Variants in CDH18 observed in about 807,000 individuals in gnomAD.
CDH18 encodes the protein cadherin-18.
In CDH18, 31 loss-of-function variants were observed where a neutral mutation model predicts 67.9. The observed-to-expected ratio is 0.46, with a 90% CI of 0.34 to 0.62. The LOEUF (loss-of-function observed/expected upper bound fraction) is 0.62, where lower values mean the gene tolerates loss of function less well. CDH18 is among the 20% of genes least tolerant of loss of function. CDH18 has a pLI of 0.01. For synonymous variants in CDH18, 362 were observed against 347.2 expected, an observed-to-expected ratio of 1.04 and a Z score of -0.48; for missense variants, 890 against 975.5, an observed-to-expected ratio of 0.91 and a Z score of 1.17.
In CDH18 at chr5:20,172,200, A is replaced by ATATATATATATATATATATATG. The variant is rs1736795884; in HGVS notation, c.-518+83243_-518+83244insCATATATATATATATATATATA. On this transcript the variant is annotated intron_variant, in intron 2 of 14. Transcript: ENST00000507958. ...TCAATAGCATTGTGTGTATATATATATATATATATATATATATATATATGT... is the reference window on the plus strand; with the variant it reads ...TCAATAGCATTGTGTGTATATATATATATATATATATATATATATATGTATATATATATATATATATATATGT... Among the ~76,000 whole-genome samples, 5 of 36,394 alleles carry ATATATATATATATATATATATG rather than the reference A, an allele frequency of 1.4e-4. 1 individual carries two copies. Among genetic ancestry groups the ATATATATATATATATATATATG allele is most frequent in the African/African-American group, 5.4e-4 (5 of 9,272 alleles). The allele number at this position is 36,394 out of a possible 152,430, so 23.9% of individuals were successfully genotyped here.
rs148446623 is a variant in CDH18 at position 20,292,199 on chromosome 5, G to A, written c.-579-36694C>T. 3.1e-3 allele frequency among the ~76,000 whole-genome samples: 479 copies of A among 152,288 alleles called. 8 individuals carry two copies. The highest frequency in any genetic ancestry group is 6.8e-3 in the Middle Eastern group (2 of 294). On this transcript the variant is annotated intron_variant, in intron 1 of 14. Transcript: ENST00000507958. ...GAGGTGTTTTTATCTTATTTTTTAT[G>A]TCTGTTAGCTGTAAGACCGGGACAT...
chr5:20,329,938 T>C (rs141953263), intron 1 of CDH18, among the ~76,000 whole-genome samples: 205 of 152,184 alleles, frequency 1.3e-3, no homozygotes, highest in African/African-American at 4.7e-3. Flanking sequence ...TTTAGTACAG[T>C]AATATTTTCT....
At chr5:20,166,846 T>C (rs989826681) in intron 2 of CDH18, among the ~76,000 whole-genome samples, 2 of 152,160 alleles carry the variant, frequency 1.3e-5, no homozygotes, top group African/African-American at 4.8e-5. Context: ...CACTATGCAA[T>C]GAATGTGCTT....
At chr5:20,283,615 G>A (rs1746457858) in intron 1 of CDH18, among the ~76,000 whole-genome samples, 1 of 152,014 alleles carries the variant, frequency 6.6e-6, no homozygotes, top group Non-Finnish European at 1.5e-5. Flanking sequence ...TGCTGGTTAA[G>A]TACGTAGAGA....
At chr5:20,308,560 G>A (rs1197056982) in intron 1 of CDH18, among the ~76,000 whole-genome samples, 3 of 151,006 alleles carry the variant, frequency 2.0e-5, no homozygotes, top group Non-Finnish European at 4.4e-5. Flanking sequence ...AAAAAATTCT[G>A]TGTGAAAACA....
intron 2 of CDH18, among the ~76,000 whole-genome samples, chr5:20,196,820 A>C (rs1248041388): frequency 6.6e-6 from 1 of 152,186 alleles, no homozygotes; most frequent in Non-Finnish European, 1.5e-5. Flanking sequence ...CTCATCCACA[A>C]ATTCTCTCAA....
At chr5:19,844,524 T>C (rs753421552) in intron 2 of CDH18, among the ~76,000 whole-genome samples, 1 of 152,186 alleles carries the variant, frequency 6.6e-6, no homozygotes, top group Non-Finnish European at 1.5e-5. Flanking sequence ...CTCTCTTCTA[T>C]AAATTACCCA....
chr5:19,696,213 T>C (rs902566418), intron 5 of CDH18, among the ~76,000 whole-genome samples: 2 of 140,720 alleles, frequency 1.4e-5, no homozygotes, highest in African/African-American at 5.3e-5. Flanking sequence ...ATATGCAGTC[T>C]GCACCAAATA....
rs576151473 is a variant in CDH18 at position 20,521,801 on chromosome 5, A to G, written c.-580+53661T>C. Among the ~76,000 whole-genome samples, 31 of 148,278 alleles carry G rather than the reference A, an allele frequency of 2.1e-4. 1 individual carries two copies. The South Asian group carries it at 4.4e-3, about 21-fold the overall frequency. On this transcript the variant is annotated intron_variant, in intron 1 of 14. Coordinates refer to the CDH18 transcript ENST00000507958. ...ATAGAACCAAGCACAAGTTACACAC[A>G]CACACATACACACACACACACACGT...
intron 7 of CDH18, among the ~76,000 whole-genome samples, chr5:19,590,331 A>C (rs1026899273): frequency 6.6e-6 from 1 of 152,110 alleles, no homozygotes; most frequent in South Asian, 2.1e-4. Flanking sequence ...TTTAAAACCA[A>C]GTTATTCTTA....
chr5:20,368,523 G>A (rs1454614390), intron 1 of CDH18, among the ~76,000 whole-genome samples: 1 of 152,144 alleles, frequency 6.6e-6, no homozygotes, highest in Admixed American at 6.5e-5. Flanking sequence ...CATTGACAGA[G>A]AAATGTTTCA....
At chr5:20,366,496 C>A (rs1742530482) in intron 1 of CDH18, among the ~76,000 whole-genome samples, 1 of 152,178 alleles carries the variant, frequency 6.6e-6, no homozygotes, top group African/African-American at 2.4e-5. Context: ...ATGTACTTCA[C>A]TCATTTATAC....
chr5:20,415,041 GC>G (rs1747171309), intron 1 of CDH18, among the ~76,000 whole-genome samples: 1 of 152,130 alleles, frequency 6.6e-6, no homozygotes, highest in South Asian at 2.1e-4. Context: ...CATGTTAATT[GC>G]AGCAGTATGC....
At chr5:19,480,159 C>A (rs990925472) in intron 12 of CDH18, among the ~76,000 whole-genome samples, 1 of 151,990 alleles carries the variant, frequency 6.6e-6, no homozygotes, top group Non-Finnish European at 1.5e-5. Flanking sequence ...GAAGAACTCT[C>A]ATTAAAATCC....
At chr5:19,586,743 C>G (rs1209085880) in intron 7 of CDH18, among the ~76,000 whole-genome samples, 1 of 152,110 alleles carries the variant, frequency 6.6e-6, no homozygotes, top group Non-Finnish European at 1.5e-5. Context: ...ATTGCTGGAT[C>G]AAATGGTAGT....
At chr5:19,631,383 C>G (rs1223970320) in intron 5 of CDH18, among the ~76,000 whole-genome samples, 1 of 152,080 alleles carries the variant, frequency 6.6e-6, no homozygotes, top group African/African-American at 2.4e-5. Context: ...CTCGATTTGT[C>G]AATTTTTTCT....
chr5:19,922,815 AT>A (rs1792645553), intron 2 of CDH18, among the ~76,000 whole-genome samples: 1 of 152,184 alleles, frequency 6.6e-6, no homozygotes, highest in Admixed American at 6.5e-5. Context: ...AAGAAAAATC[AT>A]ACATCTTCTT....
chr5:19,963,681 G>A lies in CDH18; in HGVS notation c.-257+17379C>T, dbSNP rs191374086. On this transcript the variant is annotated intron_variant, in intron 2 of 12. Transcript: ENST00000382275. ...CCTCCCCAGCCATGCTGAACTGTGA[G>A]TCAATTAAACTTCTTTCCTTTATAA... 8.7e-4 allele frequency among the ~76,000 whole-genome samples: 133 copies of A among 152,126 alleles called. 1 individual carries two copies. Among genetic ancestry groups the A allele is most frequent in the Admixed American group, 2.0e-3 (30 of 15,288 alleles).
chr5:20,214,653 A>C (rs2126406304), intron 2 of CDH18, among the ~76,000 whole-genome samples: 1 of 152,128 alleles, frequency 6.6e-6, no homozygotes, highest in Non-Finnish European at 1.5e-5. Flanking sequence ...AGAAGATTGA[A>C]ACTGGACCCC....
Sources: gnomAD v4.1 joint callset for allele counts (sites outside exome capture counted in the v4.1 genomes callset) on GRCh38, gnomAD v4.1.1 for gene constraint, MANE v1.5 for transcripts, NCBI Gene and HGNC (gene_info 2026-07-23, HGNC 2026-07-21) for gene names.